CLIP1: variants seen among roughly 807,000 people sequenced by gnomAD.
CLIP1 encodes the protein CAP-Gly domain-containing linker protein 1.
CLIP1 carries 66 observed loss-of-function variants against 161.6 expected under a neutral mutation model. The ratio of observed to expected loss-of-function variants is 0.41; its 90% CI spans 0.33 to 0.50. The LOEUF (loss-of-function observed/expected upper bound fraction) is 0.50, where lower values mean the gene tolerates loss of function less well. Among genes scored for constraint, CLIP1 ranks in the 20% least tolerant of loss-of-function variants. The pLI is 0.27. For synonymous variants in CLIP1, 598 were observed against 626.2 expected (o/e 0.96, Z 0.67); for missense variants, 1,376 against 1,702.0 (o/e 0.81, Z 3.37).
chr12:122,300,127 A>T (rs2136409931), intron 20 of CLIP1, among the ~76,000 whole-genome samples: 1 of 152,172 alleles, frequency 6.6e-6, no homozygotes, highest in East Asian at 1.9e-4. Flanking sequence ...AAAATTAGCC[A>T]GGCATAGTGG....
In CLIP1 at chr12:122,355,289, G is replaced by A. The variant is rs371213607; in HGVS notation, c.1029C>T (p.Tyr343=). 22 of 1,613,946 alleles carry A rather than the reference G, an allele frequency of 1.4e-5. No homozygotes were observed. The highest frequency in any genetic ancestry group is 2.2e-5 in the East Asian group (1 of 44,882). The change falls in exon 6 of 26, where the codon TAC becomes TAT. Residue 343 remains tyrosine, a synonymous_variant. Transcript: ENST00000620786. The surrounding 1 kb of genome is among the most constrained non-coding windows in gnomAD (Gnocchi z 4.1). The part of the protein sequence containing the change: ...TGLLTETSSR[Y]ARKISGTTAL... ...CAGTGGTACCGGAGATCTTCCTGGC[G>A]TAACGGGAGGAGGTTTCAGTCAACT...
chr12:122,373,712 T>C (rs1012236924), intron 3 of CLIP1, among the ~76,000 whole-genome samples: 1 of 152,190 alleles, frequency 6.6e-6, no homozygotes, highest in Non-Finnish European at 1.5e-5. Context: ...TTAGGTATAG[T>C]ACATCCAAAG....
chr12:122,289,460 T>C (rs1682462718), intron 20 of CLIP1, among the ~76,000 whole-genome samples: 1 of 152,018 alleles, frequency 6.6e-6, no homozygotes, highest in Non-Finnish European at 1.5e-5. Flanking sequence ...GCTCCACTGC[T>C]AACATTCTAG....
Position 122,279,199 on chromosome 12 carries a change from G to T in CLIP1, c.3648-54C>A. On this transcript the variant is annotated intron_variant, in intron 21 of 25. Transcript: ENST00000620786. The surrounding 1 kb of genome is among the most constrained non-coding windows in gnomAD (Gnocchi z 4.5). ...CAAATCAACCGAAAGACTGGTCAGTGTACAACTGTTCTAGAACAAACACAT... is the reference window on the plus strand; with the variant it reads ...CAAATCAACCGAAAGACTGGTCAGTTTACAACTGTTCTAGAACAAACACAT... The T allele has an allele frequency of 3.4e-6, 4 of 1,161,864 alleles. No homozygotes were observed. The highest frequency in any genetic ancestry group is 1.4e-5 in the South Asian group (1 of 71,678). The allele number at this position is 1,161,864 out of a possible 1,614,324, so 72.0% of individuals were successfully genotyped here.
chr12:122,312,080 C>A (rs1951080571), intron 19 of CLIP1, among the ~76,000 whole-genome samples: 2 of 152,276 alleles, frequency 1.3e-5, no homozygotes, highest in Middle Eastern at 3.4e-3. Flanking sequence ...TTTAAAGAAG[C>A]TACTTTTCTT....
intron 3 of CLIP1, among the ~76,000 whole-genome samples, chr12:122,371,376 C>T (rs993143493): frequency 8.5e-5 from 13 of 152,202 alleles, no homozygotes; most frequent in Admixed American, 5.9e-4. Context: ...AATTTGGCAC[C>T]TTTGGGGTTA....
At chr12:122,420,364 A>G (rs1956900218) in intron 1 of CLIP1, among the ~76,000 whole-genome samples, 1 of 152,076 alleles carries the variant, frequency 6.6e-6, no homozygotes, top group South Asian at 2.1e-4. Context: ...AAAAAGAGAT[A>G]AGGATATCAG....
At chr12:122,285,218 G>C (rs183358345) in intron 21 of CLIP1, among the ~76,000 whole-genome samples, 314 of 147,438 alleles carry the variant, frequency 2.1e-3, no homozygotes, top group African/African-American at 7.4e-3. Flanking sequence ...AATGTAGGGA[G>C]ATACCAGTCC....
chr12:122,399,703 T>A (rs1421887422), intron 1 of CLIP1: 1 of 152,116 alleles, frequency 6.6e-6, no homozygotes, highest in African/African-American at 2.4e-5. Context: ...AGCTACAACG[T>A]CCAGAAACCC....
At chr12:122,276,503 G>C (rs1400270963) in intron 24 of CLIP1, 8 of 1,287,150 alleles carry the variant, frequency 6.2e-6, no homozygotes, top group South Asian at 1.2e-5. Context: ...AGAAAGGAAG[G>C]GGGAAGAGAA....
At chr12:122,403,784 G>T (rs1433978365) in intron 1 of CLIP1, among the ~76,000 whole-genome samples, 1 of 152,056 alleles carries the variant, frequency 6.6e-6, no homozygotes, top group African/African-American at 2.4e-5. Flanking sequence ...GCCTCCCAAA[G>T]TGTTGGGATT....
chr12:122,275,953 C>A (rs1319281823), intron 24 of CLIP1: 1 of 152,496 alleles, frequency 6.6e-6, no homozygotes, highest in East Asian at 1.9e-4. Context: ...GCAGTGGGGA[C>A]AACAAGATGG....
intron 5 of CLIP1, among the ~76,000 whole-genome samples, chr12:122,357,451 C>T (rs1354448481): frequency 2.7e-5 from 4 of 150,750 alleles, no homozygotes; most frequent in East Asian, 4.0e-4. Context: ...GCAGCCACCC[C>T]GTCTGGGAAG....
chr12:122,361,046 G>T lies in CLIP1; in HGVS notation c.918C>A (p.Ser306Arg). 6.2e-7 allele frequency: 1 copy of T among 1,614,236 alleles called. No homozygotes were observed. Among genetic ancestry groups the T allele is most frequent in the South Asian group, 1.1e-5 (1 of 91,086 alleles). The change falls in exon 5 of 26, where the codon AGC (serine) becomes AGA (arginine). Residue 306 changes from serine to arginine, a missense_variant. Coordinates refer to ENST00000620786, the MANE Select transcript of CLIP1 (RefSeq NM_001247997.2). ...VRRVMATTSASLKRSPSASSL... is the reference protein window; with the variant it reads ...VRRVMATTSARLKRSPSASSL... ...AAGAGGCAGAAGGGCTGCGCTTCAGGCTGGCGGACGTGGTCGCCATCACTC... is the reference window on the plus strand; with the variant it reads ...AAGAGGCAGAAGGGCTGCGCTTCAGTCTGGCGGACGTGGTCGCCATCACTC...
At chr12:122,273,147 GAA>G in intron 25 of CLIP1, 47 bp from the exon 26 acceptor site, 1 of 1,529,414 alleles carries the variant, frequency 6.5e-7, no homozygotes, top group Non-Finnish European at 9.0e-7. Flanking sequence ...AGAAGAAACT[GAA>G]GAGACAAGAA....
At chr12:122,326,844 C>T (rs1951729259) in intron 17 of CLIP1, among the ~76,000 whole-genome samples, 2 of 151,862 alleles carry the variant, frequency 1.3e-5, no homozygotes, top group Non-Finnish European at 2.9e-5. Context: ...TGTTAAATGG[C>T]TCATAAAACT....
chr12:122,355,314 T>C lies in CLIP1; in HGVS notation c.1006-2A>G. 1 of 1,612,058 alleles carries C rather than the reference T, an allele frequency of 6.2e-7. No individual in the cohort carries two copies. Among genetic ancestry groups the C allele is most frequent in the Non-Finnish European group, 8.5e-7 (1 of 1,178,662 alleles). ...GTAACGGGAGGAGGTTTCAGTCAAC[T>C]GTAAAGGAAAGTTAGAGAAATGAAG... On this transcript the variant is annotated splice_acceptor_variant, in intron 5 of 25. Coordinates refer to ENST00000620786, the MANE Select transcript of CLIP1 (RefSeq NM_001247997.2). LOFTEE classifies it high-confidence loss of function. This position sits in a 1 kb window ranked among gnomAD's most constrained non-coding sequence, Gnocchi z 4.1.
intron 17 of CLIP1, among the ~76,000 whole-genome samples, 161 bp downstream of exon 17, chr12:122,327,786 T>C (rs1951763243): frequency 6.6e-6 from 1 of 151,892 alleles, no homozygotes; most frequent in African/African-American, 2.4e-5. Flanking sequence ...CTTGAAGCCA[T>C]AGGAAATGTA....
chr12:122,308,462 T>C (rs537755380), intron 20 of CLIP1, among the ~76,000 whole-genome samples: 11 of 152,178 alleles, frequency 7.2e-5, no homozygotes, highest in Non-Finnish European at 1.6e-4. Context: ...CTTCCATTCT[T>C]CATGACCTCC....
Sources: gnomAD v4.1 joint callset for allele counts (sites outside exome capture counted in the v4.1 genomes callset) on GRCh38, gnomAD v4.1.1 for gene constraint, Gnocchi (gnomAD v3.1) non-coding constraint, MANE v1.5 for transcripts, NCBI Gene and HGNC (gene_info 2026-07-23, HGNC 2026-07-21) for gene names.